The following PLD5 variants were observed in gnomAD, a reference collection of about 807,000 sequenced individuals.
The protein encoded by PLD5 is inactive phospholipase D5.
PLD5 carries 36 observed loss-of-function variants against 61.1 expected under a neutral mutation model. That is an observed-to-expected ratio of 0.59 (90% CI 0.45 to 0.78). The LOEUF is 0.78. Ranked by LOEUF, PLD5 falls within the 30% of genes least tolerant of loss-of-function variation. The probability of loss-of-function intolerance (pLI) is 0.00; values close to 1 mark genes in which losing one functional copy is unlikely to be tolerated. For synonymous variants in PLD5, 243 were observed against 242.8 expected (o/e 1.00, Z -0.01); for missense variants, 515 against 644.4 (o/e 0.80, Z 2.17).
At chr1:242,383,801 C>G (rs1662440267) in intron 1 of PLD5, among the ~76,000 whole-genome samples, 1 of 152,174 alleles carries the variant, frequency 6.6e-6, no homozygotes, top group African/African-American at 2.4e-5. Flanking sequence ...CTTTCAAACA[C>G]AGCTCTGGAC....
chr1:242,282,838 A>C (rs985154898), intron 3 of PLD5, among the ~76,000 whole-genome samples: 1 of 152,214 alleles, frequency 6.6e-6, no homozygotes, highest in Non-Finnish European at 1.5e-5. Flanking sequence ...GTGGCAACTC[A>C]TCATCCAGAC....
chr1:242,430,752 C>T (rs978757277), intron 1 of PLD5, among the ~76,000 whole-genome samples: 2 of 152,136 alleles, frequency 1.3e-5, no homozygotes, highest in African/African-American at 4.8e-5. Context: ...TGGGAGCAGA[C>T]ATCACTCACA....
chr1:242,362,877 A>T (rs1661147027), intron 1 of PLD5, among the ~76,000 whole-genome samples: 1 of 152,060 alleles, frequency 6.6e-6, no homozygotes, highest in African/African-American at 2.4e-5. Context: ...TAACCTGCAA[A>T]TGTACATCAC....
intron 5 of PLD5, among the ~76,000 whole-genome samples, chr1:242,126,068 A>C (rs929593338): frequency 1.2e-4 from 19 of 152,176 alleles, no homozygotes; most frequent in African/African-American, 4.1e-4. Context: ...AAGTGAAAGG[A>C]GATAGAGCAG....
chr1:242,378,718 G>T (rs969896614), intron 1 of PLD5, among the ~76,000 whole-genome samples: 1 of 152,082 alleles, frequency 6.6e-6, no homozygotes, highest in Non-Finnish European at 1.5e-5. Context: ...GTGCATGCCT[G>T]TAATCCCAGC....
chr1:242,376,981 T>C (rs1661999634), intron 1 of PLD5: 4 of 1,611,732 alleles, frequency 2.5e-6, no homozygotes, highest in East Asian at 2.2e-5. Context: ...TGTATCCGCA[T>C]GTGAGTATTT....
intron 2 of PLD5, among the ~76,000 whole-genome samples, chr1:242,335,802 T>C (rs900932554): frequency 6.6e-6 from 1 of 152,226 alleles, no homozygotes; most frequent in Non-Finnish European, 1.5e-5. Context: ...GGTAAAACAT[T>C]AATAACTGCC....
chr1:242,089,772 A>T lies in PLD5; in HGVS notation c.*82T>A, dbSNP rs548095369. 174 of 1,536,606 alleles carry T rather than the reference A, an allele frequency of 1.1e-4. No homozygotes were observed. In the African/African-American group the frequency reaches 2.2e-3, roughly 19 times the overall value. On this transcript the variant is annotated 3_prime_UTR_variant, in exon 10 of 10. Transcript: ENST00000536534. ...GTGCTTTTTCCCTAAAAAAAGAGAC[A>T]TATTAAAGTGTTTTTTCTCTCCTCA...
intron 1 of PLD5, among the ~76,000 whole-genome samples, chr1:242,395,317 G>T (rs1168986867): frequency 6.6e-6 from 1 of 151,980 alleles, no homozygotes; most frequent in Non-Finnish European, 1.5e-5. Context: ...GAACTTGTTT[G>T]TTTTCTACCT....
At chr1:242,518,494 T>G (rs1376683577) in intron 1 of PLD5, among the ~76,000 whole-genome samples, 1 of 152,190 alleles carries the variant, frequency 6.6e-6, no homozygotes, top group Admixed American at 6.5e-5. Flanking sequence ...GTCAATTCAG[T>G]AAGAGAACAT....
At chr1:242,400,986 C>T (rs1401382244) in intron 1 of PLD5, among the ~76,000 whole-genome samples, 1 of 152,150 alleles carries the variant, frequency 6.6e-6, no homozygotes, top group East Asian at 1.9e-4. Context: ...CTCCTCTGAG[C>T]CCTGGACTGT....
At chr1:242,340,871 G>A (rs926918237) in intron 2 of PLD5, among the ~76,000 whole-genome samples, 3 of 152,154 alleles carry the variant, frequency 2.0e-5, no homozygotes, top group African/African-American at 7.2e-5. Flanking sequence ...TTCATTCAGT[G>A]CTGAACAATT....
intron 1 of PLD5, among the ~76,000 whole-genome samples, chr1:242,501,848 A>G (rs1668566024): frequency 6.6e-6 from 1 of 151,498 alleles, no homozygotes; most frequent in Non-Finnish European, 1.5e-5. Flanking sequence ...AAATAATAAC[A>G]TTTATTTTTT....
At chr1:242,481,470 G>A (rs1014109537) in intron 1 of PLD5, among the ~76,000 whole-genome samples, 24 of 152,312 alleles carry the variant, frequency 1.6e-4, no homozygotes, top group African/African-American at 5.5e-4. Flanking sequence ...TGCTAGCACA[G>A]CAGTCTGAGA....
At chr1:242,318,499 C>A (rs953924510) in intron 2 of PLD5, among the ~76,000 whole-genome samples, 1 of 152,156 alleles carries the variant, frequency 6.6e-6, no homozygotes, top group Non-Finnish European at 1.5e-5. Flanking sequence ...CTCGACACTT[C>A]GTTAGGCCAA....
intron 2 of PLD5, among the ~76,000 whole-genome samples, chr1:242,320,179 A>C (rs1416417328): frequency 6.7e-6 from 1 of 149,506 alleles, no homozygotes; most frequent in Non-Finnish European, 1.5e-5. Context: ...AAATATAAAT[A>C]CAAAAAAATT....
intron 5 of PLD5, among the ~76,000 whole-genome samples, chr1:242,159,461 A>T: frequency 6.6e-6 from 1 of 152,182 alleles, no homozygotes; most frequent in East Asian, 1.9e-4. Context: ...TTTTCTGGCA[A>T]GAAAATGCTA....
chr1:242,203,554 G>A (rs951862152), intron 5 of PLD5: 7 of 152,182 alleles, frequency 4.6e-5, no homozygotes, highest in Non-Finnish European at 8.8e-5. Flanking sequence ...TATCCCCTCG[G>A]TGAAGACTGA....
At chr1:242,344,242 C>T (rs754430784) in intron 2 of PLD5, among the ~76,000 whole-genome samples, 19 of 152,174 alleles carry the variant, frequency 1.2e-4, no homozygotes, top group Non-Finnish European at 2.6e-4. Flanking sequence ...TGTCACTTCT[C>T]GTTATCGCAC....
Sources: allele counts gnomAD v4.1 joint callset (sites outside exome capture counted in the v4.1 genomes callset), GRCh38; gene constraint gnomAD v4.1.1; transcripts MANE v1.5; gene names NCBI Gene and HGNC (gene_info 2026-07-23, HGNC 2026-07-21).